GLI3: variants seen among roughly 807,000 people sequenced by gnomAD.
The protein encoded by GLI3 is GLI family zinc finger 3, also known as transcription activator GLI3.
GLI3 carries 20 observed loss-of-function variants against 100.8 expected under a neutral mutation model. The ratio of observed to expected loss-of-function variants is 0.20; its 90% CI spans 0.14 to 0.29. The LOEUF (loss-of-function observed/expected upper bound fraction) is 0.29, where lower values mean the gene tolerates loss of function less well. Ranked by LOEUF, GLI3 falls within the 10% of genes least tolerant of loss-of-function variation. The probability of loss-of-function intolerance (pLI) is 1.00; values close to 1 mark genes in which losing one functional copy is unlikely to be tolerated. For synonymous variants in GLI3, 938 were observed against 860.5 expected, an observed-to-expected ratio of 1.09 and a Z score of -1.58; for missense variants, 2,040 against 2,128.5, an observed-to-expected ratio of 0.96 and a Z score of 0.82.
intron 3 of GLI3, among the ~76,000 whole-genome samples, chr7:42,116,211 C>A (rs1481991943): frequency 6.6e-6 from 1 of 152,068 alleles, no homozygotes; most frequent in East Asian, 1.9e-4. Context: ...TTATGGGACC[C>A]GCCTTCAGGT....
intron 10 of GLI3, among the ~76,000 whole-genome samples, chr7:41,980,017 T>C (rs1297969516): frequency 1.3e-5 from 2 of 152,244 alleles, no homozygotes; most frequent in African/African-American, 4.8e-5. Flanking sequence ...TAAAGTTTTC[T>C]ATGCTGTTTC....
At chr7:42,219,497 C>A (rs1788440820) in intron 2 of GLI3, among the ~76,000 whole-genome samples, 2 of 151,962 alleles carry the variant, frequency 1.3e-5, no homozygotes, top group Non-Finnish European at 2.9e-5. Flanking sequence ...TGTTAAGTGG[C>A]AAATGCTTCT....
At chr7:42,031,559 G>A (rs1054732666) in intron 7 of GLI3, among the ~76,000 whole-genome samples, 2 of 152,244 alleles carry the variant, frequency 1.3e-5, no homozygotes, top group African/African-American at 4.8e-5. Flanking sequence ...AGCTTCCAGA[G>A]ACCAGTGTTC....
intron 1 of GLI3, among the ~76,000 whole-genome samples, chr7:42,246,124 C>A (rs1788968693): frequency 1.3e-5 from 2 of 152,210 alleles, no homozygotes; most frequent in Non-Finnish European, 1.5e-5. Flanking sequence ...ACTCTCAGCT[C>A]CTCCCTTACC....
At position 42,102,931 on chromosome 7, in the gene GLI3, C is replaced by T. The variant is rs191697777; in HGVS notation, c.368-26074G>A. Among the ~76,000 whole-genome samples the T allele has an allele frequency of 8.5e-5, 13 of 152,290 alleles. 1 individual carries two copies. In the East Asian group the frequency reaches 1.7e-3, roughly 20 times the overall value. On this transcript the variant is annotated intron_variant, in intron 3 of 14. Coordinates refer to ENST00000395925, the MANE Select transcript of GLI3 (RefSeq NM_000168.6). ...CATACAGCAAACTCAAAGCTTAAGA[C>T]GCTTTGAACTCCATTCTGCAGATAG... is the stretch of plus-strand genomic sequence containing the variant.
At chr7:42,174,996 G>A (rs1046874347) in intron 2 of GLI3, among the ~76,000 whole-genome samples, 5 of 152,170 alleles carry the variant, frequency 3.3e-5, no homozygotes, top group South Asian at 2.1e-4. Context: ...CTATGAAGCG[G>A]TGGGATTGTC....
rs965946334 is a variant in GLI3 at position 42,025,438 on chromosome 7, A to G, written c.1243-61T>C. Reference sequence around the variant, plus strand: ...ATTTTCATCAACAAGGAGCAGTACCATAATTAAAACCTTGCCAACTCGGGA... The same window carrying G: ...ATTTTCATCAACAAGGAGCAGTACCGTAATTAAAACCTTGCCAACTCGGGA... On this transcript the variant is annotated intron_variant, in intron 8 of 14. Coordinates refer to ENST00000395925, the MANE Select transcript of GLI3 (RefSeq NM_000168.6). The G allele has an allele frequency of 2.8e-5, 36 of 1,270,236 alleles. No individual in the cohort carries two copies. The African/African-American group carries it at 4.2e-4, about 15-fold the overall frequency. 78.7% of individuals were successfully genotyped at this position (1,270,236 alleles called of 1,614,324 possible).
intron 6 of GLI3, among the ~76,000 whole-genome samples, chr7:42,041,735 C>A (rs1784142133): frequency 1.3e-5 from 2 of 152,018 alleles, no homozygotes; most frequent in Admixed American, 1.3e-4. Flanking sequence ...AGATAACAAT[C>A]CAACATGCTT....
At chr7:42,171,580 T>C (rs1787373642) in intron 2 of GLI3, among the ~76,000 whole-genome samples, 1 of 152,222 alleles carries the variant, frequency 6.6e-6, no homozygotes, top group Non-Finnish European at 1.5e-5. Flanking sequence ...CTTTTGTTAT[T>C]AGAAACCATA....
intron 10 of GLI3, among the ~76,000 whole-genome samples, chr7:42,009,687 G>A (rs1788559386): frequency 1.3e-5 from 2 of 152,110 alleles, no homozygotes; most frequent in Admixed American, 1.3e-4. Flanking sequence ...AGGAGAACGG[G>A]TCTCATCGGC....
chr7:42,169,908 T>A (rs566752420), intron 2 of GLI3, among the ~76,000 whole-genome samples: 53 of 152,072 alleles, frequency 3.5e-4, no homozygotes, highest in African/African-American at 1.3e-3. Context: ...ATATAAGAAG[T>A]AATATTCAAT....
chr7:42,104,182 A>G (rs532845248), intron 3 of GLI3, among the ~76,000 whole-genome samples: 2 of 152,340 alleles, frequency 1.3e-5, no homozygotes, highest in South Asian at 4.1e-4. Context: ...TATCATCTTC[A>G]GTAAAATCCT....
chr7:42,220,578 C>T (rs1334745245), intron 2 of GLI3, among the ~76,000 whole-genome samples: 4 of 152,146 alleles, frequency 2.6e-5, no homozygotes, highest in Non-Finnish European at 5.9e-5. Context: ...AGGGCCTCTG[C>T]GCTTCCAGCA....
At chr7:42,159,448 G>A (rs1787081577) in intron 2 of GLI3, among the ~76,000 whole-genome samples, 1 of 152,116 alleles carries the variant, frequency 6.6e-6, no homozygotes, top group Non-Finnish European at 1.5e-5. Context: ...AATAAAGTCA[G>A]AATCATACAA....
intron 3 of GLI3, among the ~76,000 whole-genome samples, chr7:42,129,879 G>A (rs930524765): frequency 3.3e-5 from 5 of 152,126 alleles, no homozygotes; most frequent in African/African-American, 1.2e-4. Flanking sequence ...CAGTCAGATG[G>A]CCTGTCTCCT....
Position 42,053,756 on chromosome 7 carries a change from A to T in GLI3, c.474-5060T>A, listed in dbSNP as rs78776197. On this transcript the variant is annotated intron_variant, in intron 4 of 14. Transcript: ENST00000395925. Reference sequence around the variant, plus strand: ...ACCAGGGAGGAAAGAACAACAAACAAACATTCTGAGAAAAACACTGAAATT... The same window carrying T: ...ACCAGGGAGGAAAGAACAACAAACATACATTCTGAGAAAAACACTGAAATT... Among the ~76,000 whole-genome samples the T allele has an allele frequency of 9.8e-4, 149 of 152,286 alleles. 1 individual carries two copies. The East Asian group carries it at 0.024, about 25-fold the overall frequency.
chr7:42,067,000 A>G (rs6966658), intron 4 of GLI3, among the ~76,000 whole-genome samples: 15,071 of 152,216 alleles, frequency 0.099, 791 homozygotes, highest in African/African-American at 0.14. Context: ...TGAGTGCTGT[A>G]CGGGTACATA....
chr7:41,968,052 G>T, intron 13 of GLI3, 129 bp from the exon 14 acceptor site: 1 of 844,364 alleles, frequency 1.2e-6, no homozygotes, highest in Non-Finnish European at 2.0e-6. Context: ...GAAAAACTAT[G>T]TTCTGGTGAA....
intron 1 of GLI3, among the ~76,000 whole-genome samples, chr7:42,260,628 A>G (rs1050697485): frequency 2.6e-5 from 4 of 152,336 alleles, no homozygotes; most frequent in Admixed American, 2.0e-4. Context: ...TGTCTGATTT[A>G]CATGTTTAAA....
Sources: allele counts gnomAD v4.1 joint callset (sites outside exome capture counted in the v4.1 genomes callset), GRCh38; gene constraint gnomAD v4.1.1; transcripts MANE v1.5; gene names NCBI Gene and HGNC (gene_info 2026-07-23, HGNC 2026-07-21).